GPC5: variants seen among roughly 807,000 people sequenced by gnomAD.
The protein encoded by GPC5 is glypican 5.
A neutral mutation model predicts 53.9 loss-of-function variants in GPC5; 47 were observed. The ratio of observed to expected loss-of-function variants is 0.87; its 90% CI spans 0.69 to 1.11. GPC5 has a LOEUF of 1.11. GPC5 is among the 50% of genes most tolerant of loss of function. GPC5 has a pLI of 0.00. For missense variants in GPC5, 748 were observed against 713.1 expected (o/e 1.05, Z -0.56); for synonymous variants, 286 against 263.3 (o/e 1.09, Z -0.84).
chr13:92,598,543 A>G (rs376848489), intron 7 of GPC5, among the ~76,000 whole-genome samples: 12 of 152,146 alleles, frequency 7.9e-5, no homozygotes, highest in African/African-American at 2.2e-4. Flanking sequence ...TTTTTATTCT[A>G]TGTTAGATAA....
chr13:92,147,757 T>C (rs979172359), intron 7 of GPC5, among the ~76,000 whole-genome samples: 5 of 152,178 alleles, frequency 3.3e-5, no homozygotes, highest in African/African-American at 1.2e-4. Context: ...GCCTCTTATG[T>C]TTCTACGAGT....
At chr13:92,093,350 A>G (rs181351418) in intron 6 of GPC5, among the ~76,000 whole-genome samples, 13 of 152,278 alleles carry the variant, frequency 8.5e-5, no homozygotes, top group Non-Finnish European at 1.6e-4. Context: ...TCTTTCCAAG[A>G]CAAATATACA....
At chr13:92,390,203 A>T (rs1874930715) in intron 7 of GPC5, among the ~76,000 whole-genome samples, 1 of 152,192 alleles carries the variant, frequency 6.6e-6, no homozygotes, top group Non-Finnish European at 1.5e-5. Context: ...ATTATTTTAT[A>T]TCAGACCTTA....
At chr13:92,004,917 C>T (rs568135805) in intron 6 of GPC5, among the ~76,000 whole-genome samples, 17 of 152,112 alleles carry the variant, frequency 1.1e-4, no homozygotes, top group Non-Finnish European at 2.5e-4. Context: ...TGAGAATTAT[C>T]GGAGCTGCAA....
intron 7 of GPC5, among the ~76,000 whole-genome samples, chr13:92,641,360 T>A (rs1025368995): frequency 7.9e-5 from 12 of 151,900 alleles, no homozygotes; most frequent in African/African-American, 2.7e-4. Flanking sequence ...TGAAGAAACA[T>A]CCGGTAAAAT....
intron 7 of GPC5, among the ~76,000 whole-genome samples, chr13:92,418,335 T>A (rs1876407874): frequency 1.4e-5 from 2 of 147,230 alleles, no homozygotes; most frequent in East Asian, 4.1e-4. Context: ...ACAAAGCTCT[T>A]ATATTTTTTA....
At position 92,024,744 on chromosome 13, in the gene GPC5, T is replaced by C. The variant is rs183651738; in HGVS notation, c.1401+116687T>C. On this transcript the variant is annotated intron_variant, in intron 6 of 7. Coordinates refer to ENST00000377067, the MANE Select transcript of GPC5 (RefSeq NM_004466.6). The stretch of plus-strand genomic sequence containing the variant: ...TGACCAAACACATACTTATTGGTGC[T>C]TTTTATTCCCCTCTTACCTCAAAAG... Among the ~76,000 whole-genome samples, 355 of 152,284 alleles carry C rather than the reference T, an allele frequency of 2.3e-3. 1 individual carries two copies. The highest frequency in any genetic ancestry group is 1.6e-3 in the Non-Finnish European group (112 of 68,012).
chr13:91,630,352 T>C (rs1036778572), intron 2 of GPC5, among the ~76,000 whole-genome samples: 1 of 152,138 alleles, frequency 6.6e-6, no homozygotes, highest in Admixed American at 6.5e-5. Flanking sequence ...TTGTAGGTGA[T>C]TGGAGAACAG....
At chr13:92,504,436 C>G (rs550040010) in intron 7 of GPC5, among the ~76,000 whole-genome samples, 1 of 151,984 alleles carries the variant, frequency 6.6e-6, no homozygotes, top group Non-Finnish European at 1.5e-5. Context: ...AGATTTAATG[C>G]AAGTCCAATC....
At chr13:91,875,490 A>G (rs982974108) in intron 5 of GPC5, among the ~76,000 whole-genome samples, 1 of 152,178 alleles carries the variant, frequency 6.6e-6, no homozygotes, top group African/African-American at 2.4e-5. Flanking sequence ...TCAAAGAGAG[A>G]TACTACTTAA....
chr13:92,612,088 G>C lies in GPC5; in HGVS notation c.1562-254194G>C, dbSNP rs1239573042. Among the ~76,000 whole-genome samples, 6 of 152,190 alleles carry C rather than the reference G, an allele frequency of 3.9e-5. No homozygotes were observed. The East Asian group carries it at 1.2e-3, about 29-fold the overall frequency. On this transcript the variant is annotated intron_variant, in intron 7 of 7. Coordinates refer to ENST00000377067, the MANE Select transcript of GPC5 (RefSeq NM_004466.6). ...TAAATAATGAAGGATGAAAAGGTAT[G>C]AAAAATATTACTGCAGTTGGAATTA...
At chr13:92,667,361 G>T (rs1566353294) in intron 7 of GPC5, among the ~76,000 whole-genome samples, 1 of 152,058 alleles carries the variant, frequency 6.6e-6, no homozygotes, top group Admixed American at 6.6e-5. Context: ...TGGAAAAGAG[G>T]CCACAGTTTG....
At chr13:92,678,024 G>C (rs1199336708) in intron 7 of GPC5, among the ~76,000 whole-genome samples, 3 of 152,172 alleles carry the variant, frequency 2.0e-5, no homozygotes, top group Admixed American at 6.5e-5. Flanking sequence ...GTTAATTATA[G>C]TATAATTTAC....
chr13:92,785,274 T>G (rs959843889), intron 7 of GPC5, among the ~76,000 whole-genome samples: 3 of 151,914 alleles, frequency 2.0e-5, no homozygotes, highest in African/African-American at 7.3e-5. Flanking sequence ...AGACTCTATC[T>G]CAAAAAATAA....
intron 7 of GPC5, among the ~76,000 whole-genome samples, chr13:92,607,228 G>GA (rs985275526): frequency 9.2e-5 from 14 of 151,914 alleles, no homozygotes; most frequent in Non-Finnish European, 1.9e-4. Context: ...AGTAATATGA[G>GA]AAAAAATGTA....
intron 7 of GPC5, among the ~76,000 whole-genome samples, chr13:92,732,508 TTGATTTAG>T (rs1045360489): frequency 6.6e-6 from 1 of 151,338 alleles, no homozygotes. Flanking sequence ...TATTTCTTCT[TTGATTTAG>T]TGATTTTCTT....
chr13:92,524,083 A>G (rs916201330), intron 7 of GPC5, among the ~76,000 whole-genome samples: 5 of 152,232 alleles, frequency 3.3e-5, no homozygotes, highest in Middle Eastern at 3.4e-3. Context: ...TATTAAAAGC[A>G]GACAATGATA....
At chr13:92,273,537 CA>C (rs985126006) in intron 7 of GPC5, among the ~76,000 whole-genome samples, 9 of 148,948 alleles carry the variant, frequency 6.0e-5, no homozygotes, top group Non-Finnish European at 1.0e-4. Context: ...ATTAAAACAG[CA>C]AAAAAAAACT....
chr13:92,521,382 C>A lies in GPC5; in HGVS notation c.1562-344900C>A, dbSNP rs551580020. 5.1e-3 allele frequency among the ~76,000 whole-genome samples: 775 copies of A among 152,300 alleles called. 4 individuals are homozygous for A. The highest frequency in any genetic ancestry group is 0.013 in the South Asian group (61 of 4,818). On this transcript the variant is annotated intron_variant, in intron 7 of 7. Coordinates refer to ENST00000377067, the MANE Select transcript of GPC5 (RefSeq NM_004466.6). ...TGCTACCTGACTTCAAACTACACTA[C>A]AAGGCTACAGTAACCGAAACAGCAT...
Sources: gnomAD v4.1 joint callset for allele counts (sites outside exome capture counted in the v4.1 genomes callset) on GRCh38, gnomAD v4.1.1 for gene constraint, MANE v1.5 for transcripts, NCBI Gene and HGNC (gene_info 2026-07-23, HGNC 2026-07-21) for gene names.